Variants in SUSD4 observed in about 807,000 individuals in gnomAD.
SUSD4 encodes the protein sushi domain containing 4, also known as sushi domain-containing protein 4.
Under a neutral mutation model 50.5 loss-of-function variants are expected in SUSD4, and 41 were observed. The ratio of observed to expected loss-of-function variants is 0.81; its 90% CI spans 0.63 to 1.05. The LOEUF is 1.05. Ranked by LOEUF, SUSD4 falls within the 50% of genes least tolerant of loss-of-function variation. The pLI is 0.00. For synonymous variants in SUSD4, 257 were observed against 257.3 expected (o/e 1.00, Z 0.01); for missense variants, 580 against 634.7 (o/e 0.91, Z 0.93).
At chr1:223,311,238 T>A (rs1449396660) in intron 2 of SUSD4, among the ~76,000 whole-genome samples, 2 of 152,230 alleles carry the variant, frequency 1.3e-5, no homozygotes, top group Non-Finnish European at 2.9e-5. Context: ...AAACACTGTT[T>A]TATAAATATG....
rs555607773 is a variant in SUSD4 at position 223,348,143 on chromosome 1, C to T, written c.148+15135G>A. Among the ~76,000 whole-genome samples, 12 of 152,184 alleles carry T rather than the reference C, an allele frequency of 7.9e-5. No individual in the cohort carries two copies. The South Asian group carries it at 2.3e-3, about 29-fold the overall frequency. On this transcript the variant is annotated intron_variant, in intron 2 of 8. Coordinates refer to ENST00000366878, the MANE Select transcript of SUSD4 (RefSeq NM_017982.4). Reference sequence around the variant, plus strand: ...TTTGTTCATATGCAACTAAACCATCCGTTTAGAACACTAGAAGCAGTAGCA... The same window carrying T: ...TTTGTTCATATGCAACTAAACCATCTGTTTAGAACACTAGAAGCAGTAGCA...
intron 2 of SUSD4, among the ~76,000 whole-genome samples, chr1:223,352,451 C>T (rs1668419226): frequency 6.6e-6 from 1 of 152,212 alleles, no homozygotes; most frequent in Non-Finnish European, 1.5e-5. Flanking sequence ...ATTGCACAGA[C>T]TGCACTTTAA....
chr1:223,349,512 G>C (rs1668236791), intron 2 of SUSD4, among the ~76,000 whole-genome samples: 1 of 152,114 alleles, frequency 6.6e-6, no homozygotes, highest in Non-Finnish European at 1.5e-5. Flanking sequence ...GCAAATTTGA[G>C]CTTCCAGATC....
intron 2 of SUSD4, among the ~76,000 whole-genome samples, chr1:223,313,530 GA>G (rs1466397066): frequency 6.6e-6 from 1 of 152,102 alleles, no homozygotes; most frequent in Non-Finnish European, 1.5e-5. Context: ...AGTAAATTAT[GA>G]AACCTGAGGG....
rs545003990 is a variant in SUSD4, at chr1:223,235,908, A to AGT, written c.725-6521_725-6520insAC. Among the ~76,000 whole-genome samples, 732 of 152,330 alleles carry AGT rather than the reference A, an allele frequency of 4.8e-3. 21 individuals are homozygous for AGT. In the East Asian group the frequency reaches 0.11, roughly 22 times the overall value. Reference sequence around the variant, plus strand: ...GAGAAGGATTGCTGGATCATGTAAGAATACATTTAGTTTTGTAAGAAGCCA... The same window carrying AGT: ...GAGAAGGATTGCTGGATCATGTAAGAGTATACATTTAGTTTTGTAAGAAGCCA... On this transcript the variant is annotated intron_variant, in intron 5 of 8. Transcript: ENST00000366878.
chr1:223,252,540 A>G (rs1266712098), intron 5 of SUSD4, among the ~76,000 whole-genome samples: 1 of 152,156 alleles, frequency 6.6e-6, no homozygotes, highest in Non-Finnish European at 1.5e-5. Context: ...ATGGTTGGCT[A>G]TAGAATTCTT....
intron 5 of SUSD4, among the ~76,000 whole-genome samples, chr1:223,235,321 T>C (rs900116997): frequency 1.3e-5 from 2 of 151,952 alleles, no homozygotes; most frequent in Admixed American, 6.6e-5. Context: ...CCCACCAGAG[T>C]GGTGCATTTG....
intron 3 of SUSD4, among the ~76,000 whole-genome samples, chr1:223,274,221 C>T (rs1015477112): frequency 2.6e-5 from 4 of 152,140 alleles, no homozygotes; most frequent in Admixed American, 1.3e-4. Context: ...TACTCAGGAT[C>T]GGGCTGAAGA....
At chr1:223,294,563 G>T (rs1664705369) in intron 2 of SUSD4, among the ~76,000 whole-genome samples, 1 of 152,210 alleles carries the variant, frequency 6.6e-6, no homozygotes, top group Admixed American at 6.5e-5. Flanking sequence ...GGCACTGGCA[G>T]GATGTCCAGA....
At chr1:223,278,399 G>C (rs996020003) in intron 3 of SUSD4, among the ~76,000 whole-genome samples, 1 of 152,134 alleles carries the variant, frequency 6.6e-6, no homozygotes, top group African/African-American at 2.4e-5. Context: ...CTTAGCAAAC[G>C]GCACACCAGG....
At chr1:223,312,144 T>A (rs1162863790) in intron 2 of SUSD4, among the ~76,000 whole-genome samples, 1 of 152,220 alleles carries the variant, frequency 6.6e-6, no homozygotes, top group African/African-American at 2.4e-5. Flanking sequence ...CATATGATTC[T>A]GGTTAAATTT....
At chr1:223,282,688 C>T (rs1355661972) in intron 3 of SUSD4, among the ~76,000 whole-genome samples, 1 of 152,128 alleles carries the variant, frequency 6.6e-6, no homozygotes, top group East Asian at 1.9e-4. Flanking sequence ...AGATTCAATG[C>T]CATCCCCATC....
chr1:223,338,877 A>C (rs1183359112), intron 2 of SUSD4, among the ~76,000 whole-genome samples: 3 of 152,208 alleles, frequency 2.0e-5, no homozygotes, highest in Admixed American at 1.3e-4. Context: ...TCCAGTAAGC[A>C]CTTGCATCTA....
intron 5 of SUSD4, among the ~76,000 whole-genome samples, chr1:223,234,008 G>A (rs746100512): frequency 3.9e-5 from 6 of 152,212 alleles, no homozygotes; most frequent in Non-Finnish European, 8.8e-5. Context: ...TTTCATGACA[G>A]AGGGTTACGG....
At chr1:223,235,134 G>A in intron 5 of SUSD4, 3 of 1,560,310 alleles carry the variant, frequency 1.9e-6, no homozygotes, top group Non-Finnish European at 2.6e-6. Flanking sequence ...GAAAACATAA[G>A]AAGACTATTT....
chr1:223,286,911 T>C (rs375576721), intron 3 of SUSD4, among the ~76,000 whole-genome samples: 8 of 152,174 alleles, frequency 5.3e-5, no homozygotes, highest in African/African-American at 1.9e-4. Flanking sequence ...AGACAAGCCA[T>C]GTTTCCCTCC....
intron 3 of SUSD4, among the ~76,000 whole-genome samples, chr1:223,276,868 A>C (rs1663309560): frequency 6.6e-6 from 1 of 152,210 alleles, no homozygotes; most frequent in Non-Finnish European, 1.5e-5. Flanking sequence ...CATCTAAGGC[A>C]ATAAGAAAGA....
chr1:223,316,400 T>A (rs1367503458), intron 2 of SUSD4, among the ~76,000 whole-genome samples: 3 of 152,102 alleles, frequency 2.0e-5, no homozygotes, highest in Non-Finnish European at 2.9e-5. Context: ...TAGGAATGGC[T>A]CCTTCAGTCT....
intron 5 of SUSD4, among the ~76,000 whole-genome samples, chr1:223,257,757 C>T (rs954279133): frequency 7.2e-5 from 11 of 152,144 alleles, no homozygotes; most frequent in South Asian, 2.1e-4. Flanking sequence ...TGTGGATCAC[C>T]GGGCAGGGAG....
Sources: allele counts gnomAD v4.1 joint callset (sites outside exome capture counted in the v4.1 genomes callset), GRCh38; gene constraint gnomAD v4.1.1; transcripts MANE v1.5; gene names NCBI Gene and HGNC (gene_info 2026-07-23, HGNC 2026-07-21).